The following CPEB3 variants were observed in gnomAD, a reference collection of about 807,000 sequenced individuals.
CPEB3 encodes the protein cytoplasmic polyadenylation element-binding protein 3.
CPEB3 carries 20 observed loss-of-function variants against 67.2 expected under a neutral mutation model. The observed-to-expected ratio is 0.30, with a 90% CI of 0.21 to 0.43. The LOEUF (loss-of-function observed/expected upper bound fraction) is 0.43, where lower values mean the gene tolerates loss of function less well. Among genes scored for constraint, CPEB3 ranks in the 20% least tolerant of loss-of-function variants. The pLI is 1.00. For synonymous variants in CPEB3, 376 were observed against 393.1 expected, an observed-to-expected ratio of 0.96 and a Z score of 0.51; for missense variants, 746 against 968.6, an observed-to-expected ratio of 0.77 and a Z score of 3.05.
At chr10:92,215,094 C>T (rs1212458537) in intron 2 of CPEB3, among the ~76,000 whole-genome samples, 1 of 151,938 alleles carries the variant, frequency 6.6e-6, no homozygotes, top group Non-Finnish European at 1.5e-5. Flanking sequence ...GTGATCCACC[C>T]ACCTTGGCCA....
intron 3 of CPEB3, among the ~76,000 whole-genome samples, chr10:92,188,305 A>G (rs1848789705): frequency 1.5e-5 from 2 of 137,852 alleles, no homozygotes; most frequent in African/African-American, 5.3e-5. Context: ...AAAGAAAAGT[A>G]TATGTAAGAC....
At chr10:92,109,083 T>A (rs536805527) in intron 7 of CPEB3, among the ~76,000 whole-genome samples, 1 of 152,270 alleles carries the variant, frequency 6.6e-6, no homozygotes, top group African/African-American at 2.4e-5. Flanking sequence ...TGTACTACTA[T>A]CCCTCTGCCT....
At chr10:92,234,971 GTCC>G (rs1233746806) in intron 2 of CPEB3, among the ~76,000 whole-genome samples, 2 of 152,104 alleles carry the variant, frequency 1.3e-5, no homozygotes, top group Non-Finnish European at 2.9e-5. Context: ...AATGACAATA[GTCC>G]TCCTATGTCA....
intron 4 of CPEB3, among the ~76,000 whole-genome samples, chr10:92,170,248 T>A (rs1847940098): frequency 6.6e-6 from 1 of 152,232 alleles, no homozygotes; most frequent in African/African-American, 2.4e-5. Context: ...TTAGTATTAA[T>A]TTACTTTCTA....
At chr10:92,266,012 T>C (rs891271164) in intron 1 of CPEB3, among the ~76,000 whole-genome samples, 2 of 152,048 alleles carry the variant, frequency 1.3e-5, no homozygotes, top group East Asian at 1.9e-4. Context: ...CTGTTAGCTT[T>C]ACAAGAAGAG....
At chr10:92,174,616 T>A (rs1314611946) in intron 4 of CPEB3, among the ~76,000 whole-genome samples, 1 of 152,178 alleles carries the variant, frequency 6.6e-6, no homozygotes, top group Non-Finnish European at 1.5e-5. Flanking sequence ...AAAGTTTAAG[T>A]CTTCAAACTA....
chr10:92,289,157 C>G (rs983249668), intron 1 of CPEB3, among the ~76,000 whole-genome samples: 3 of 152,166 alleles, frequency 2.0e-5, no homozygotes, highest in Non-Finnish European at 4.4e-5. Context: ...GCACGATAAT[C>G]ACCTGAACCC....
Position 92,074,033 on chromosome 10 carries a change from T to C in CPEB3, c.1869+7287A>G, listed in dbSNP as rs112107385. The stretch of plus-strand genomic sequence containing the variant: ...GTGCAAAGTGCTCTCTGGTGGACAG[T>C]TGGATATGTGAAAGAATGGTTTAAA... On this transcript the variant is annotated intron_variant, in intron 9 of 9. Coordinates refer to ENST00000265997, the MANE Select transcript of CPEB3 (RefSeq NM_014912.5). Among the ~76,000 whole-genome samples, 564 of 152,294 alleles carry C rather than the reference T, an allele frequency of 3.7e-3. 4 individuals carry two copies. Among genetic ancestry groups the C allele is most frequent in the African/African-American group, 0.013 (530 of 41,576 alleles).
At chr10:92,252,807 A>G (rs564082643) in intron 1 of CPEB3, among the ~76,000 whole-genome samples, 27 of 152,276 alleles carry the variant, frequency 1.8e-4, no homozygotes, top group Admixed American at 1.7e-3. Flanking sequence ...TGTGTGAGCC[A>G]CTGTGCCTGG....
At chr10:92,150,071 T>A (rs60465483) in intron 4 of CPEB3, among the ~76,000 whole-genome samples, 1,985 of 152,256 alleles carry the variant, frequency 0.013, 47 homozygotes, top group African/African-American at 0.045. Flanking sequence ...GAACAAAAAG[T>A]CTGCAGAAAG....
intron 6 of CPEB3, among the ~76,000 whole-genome samples, chr10:92,136,567 C>T (rs1564808861): frequency 1.3e-5 from 2 of 151,506 alleles, no homozygotes; most frequent in African/African-American, 4.9e-5. Context: ...AGTATTTCTT[C>T]TTTTTTTTTC....
At chr10:92,209,505 A>G (rs1849963428) in intron 2 of CPEB3, among the ~76,000 whole-genome samples, 1 of 152,196 alleles carries the variant, frequency 6.6e-6, no homozygotes, top group African/African-American at 2.4e-5. Context: ...AGCCTGGGCA[A>G]CAAGAGACAG....
At chr10:92,194,555 A>G (rs1849139386) in intron 2 of CPEB3, among the ~76,000 whole-genome samples, 1 of 152,250 alleles carries the variant, frequency 6.6e-6, no homozygotes, top group Non-Finnish European at 1.5e-5. Flanking sequence ...CACTGACACG[A>G]AGAAACCTTA....
rs532412457 is a variant in CPEB3, at chr10:92,288,258, G to A, written c.-12+2668C>T. Among the ~76,000 whole-genome samples the A allele has an allele frequency of 1.5e-3, 233 of 152,052 alleles. 1 individual carries two copies. Among genetic ancestry groups the A allele is most frequent in the African/African-American group, 5.5e-3 (226 of 41,458 alleles). On this transcript the variant is annotated intron_variant, in intron 1 of 9. Transcript: ENST00000265997. ...GAGGATCATTTGTGCTCATGAGTTC[G>A]AAACCAGCCTGGGCAACATGGCAAA...
chr10:92,114,088 T>C (rs2133522274), intron 6 of CPEB3, among the ~76,000 whole-genome samples: 1 of 152,296 alleles, frequency 6.6e-6, no homozygotes, highest in Non-Finnish European at 1.5e-5. Flanking sequence ...ATAAGAGACA[T>C]GGCTAAACTC....
At chr10:92,168,312 A>G (rs999524694) in intron 4 of CPEB3, among the ~76,000 whole-genome samples, 1 of 152,188 alleles carries the variant, frequency 6.6e-6, no homozygotes, top group African/African-American at 2.4e-5. Flanking sequence ...AACAGGATTT[A>G]TTTCTGGAGC....
At chr10:92,125,975 C>T (rs193289686) in intron 6 of CPEB3, among the ~76,000 whole-genome samples, 3 of 152,200 alleles carry the variant, frequency 2.0e-5, no homozygotes, top group East Asian at 1.9e-4. Flanking sequence ...CTACCTGCCT[C>T]GGCCTCCAAA....
intron 2 of CPEB3, among the ~76,000 whole-genome samples, chr10:92,234,506 C>T (rs1006900755): frequency 3.3e-5 from 5 of 152,278 alleles, no homozygotes; most frequent in South Asian, 2.1e-4. Context: ...CACTATTAAG[C>T]GATGTCCTAG....
At chr10:92,258,247 C>T (rs2134859063) in intron 1 of CPEB3, among the ~76,000 whole-genome samples, 1 of 151,154 alleles carries the variant, frequency 6.6e-6, no homozygotes, top group East Asian at 2.0e-4. Flanking sequence ...TTAAAGGCAC[C>T]CGCCACCACA....
Sources: gnomAD v4.1 joint callset for allele counts (sites outside exome capture counted in the v4.1 genomes callset) on GRCh38, gnomAD v4.1.1 for gene constraint, MANE v1.5 for transcripts, NCBI Gene and HGNC (gene_info 2026-07-23, HGNC 2026-07-21) for gene names.